PARN: variants seen among roughly 807,000 people sequenced by gnomAD.
PARN encodes the protein poly(A)-specific ribonuclease.
PARN carries 71 observed loss-of-function variants against 102.8 expected under a neutral mutation model. That is an observed-to-expected ratio of 0.69 (90% CI 0.57 to 0.84). The LOEUF (loss-of-function observed/expected upper bound fraction) is 0.84, where lower values mean the gene tolerates loss of function less well. Among genes scored for constraint, PARN ranks in the 40% least tolerant of loss-of-function variants. The pLI is 0.00. For synonymous variants in PARN, 261 were observed against 252.9 expected (o/e 1.03, Z -0.30); for missense variants, 782 against 760.9 (o/e 1.03, Z -0.33).
At chr16:14,504,903 C>G (rs945146003) in intron 21 of PARN, among the ~76,000 whole-genome samples, 6 of 152,194 alleles carry the variant, frequency 3.9e-5, no homozygotes, top group Non-Finnish European at 8.8e-5. Flanking sequence ...AGCCTGACTT[C>G]ATGGATCTTA....
At chr16:14,531,812 A>G (rs544213368) in intron 21 of PARN, among the ~76,000 whole-genome samples, 1 of 152,018 alleles carries the variant, frequency 6.6e-6, no homozygotes, top group Non-Finnish European at 1.5e-5. Flanking sequence ...CAAAAGCCCC[A>G]GACTTCTCAA....
chr16:14,571,876 A>G (rs1383628077), intron 18 of PARN, among the ~76,000 whole-genome samples: 2 of 152,230 alleles, frequency 1.3e-5, no homozygotes. Context: ...ATTCAACTGT[A>G]CTATACTACG....
At chr16:14,562,770 C>G (rs1047588317) in intron 18 of PARN, among the ~76,000 whole-genome samples, 1 of 152,102 alleles carries the variant, frequency 6.6e-6, no homozygotes, top group Non-Finnish European at 1.5e-5. Flanking sequence ...TAAAGATTAG[C>G]AAACACTTGA....
intron 21 of PARN, among the ~76,000 whole-genome samples, chr16:14,507,642 T>A (rs1002591054): frequency 1.3e-5 from 2 of 151,512 alleles, no homozygotes; most frequent in African/African-American, 4.9e-5. Flanking sequence ...TGAGCCAAGA[T>A]TGCACCACTG....
intron 22 of PARN, among the ~76,000 whole-genome samples, chr16:14,450,360 A>C (rs1378643865): frequency 6.6e-6 from 1 of 152,200 alleles, no homozygotes; most frequent in African/African-American, 2.4e-5. Flanking sequence ...GCACTGGGTA[A>C]ATCAGTAAAT....
intron 13 of PARN, among the ~76,000 whole-genome samples, chr16:14,590,658 T>C (rs946246910): frequency 1.4e-5 from 2 of 140,400 alleles, no homozygotes; most frequent in Non-Finnish European, 3.1e-5. Flanking sequence ...AAAAAAGAAA[T>C]GCAATTCCAT....
At chr16:14,447,748 T>A (rs1961264811) in intron 22 of PARN, among the ~76,000 whole-genome samples, 1 of 152,220 alleles carries the variant, frequency 6.6e-6, no homozygotes. Flanking sequence ...AGCGTCCACA[T>A]AGCCAGTGAG....
chr16:14,442,472 C>CA (rs1960985691), intron 23 of PARN, among the ~76,000 whole-genome samples: 1 of 152,158 alleles, frequency 6.6e-6, no homozygotes, highest in African/African-American at 2.4e-5. Flanking sequence ...TTATGCTGTA[C>CA]ATTCACCTCC....
rs369208675 is a variant in PARN at position 14,436,745 on chromosome 16, G to A, written c.1892C>T (p.Thr631Ile). 1.3e-6 allele frequency: 2 copies of A among 1,599,266 alleles called. No individual in the cohort carries two copies. Among genetic ancestry groups the A allele is most frequent in the Non-Finnish European group, 1.7e-6 (2 of 1,173,020 alleles). Residue 631 changes from threonine to isoleucine, a missense_variant, in exon 24 of 24, where the codon ACA becomes ATA. Transcript: ENST00000437198. ...AGSISKNSPA[T>I]LFEVPDTW ...CCATGTGTCAGGAACTTCAAAGAGTGTGGCAGGGCTGTTCTTCGAGATGCT... is the reference window on the plus strand; with the variant it reads ...CCATGTGTCAGGAACTTCAAAGAGTATGGCAGGGCTGTTCTTCGAGATGCT...
intron 18 of PARN, among the ~76,000 whole-genome samples, chr16:14,580,025 G>A (rs964850115): frequency 2.0e-5 from 3 of 151,472 alleles, no homozygotes; most frequent in Admixed American, 6.6e-5. Flanking sequence ...AATCACCTGT[G>A]GGTTCCATGG....
chr16:14,518,363 C>T (rs1359496415), intron 21 of PARN, among the ~76,000 whole-genome samples: 1 of 127,018 alleles, frequency 7.9e-6, no homozygotes, highest in Non-Finnish European at 1.7e-5. Flanking sequence ...TAATATGAAA[C>T]AATGACAGAG....
intron 10 of PARN, among the ~76,000 whole-genome samples, chr16:14,604,734 G>A (rs1367837345): frequency 6.6e-6 from 1 of 152,004 alleles, no homozygotes; most frequent in East Asian, 1.9e-4. Flanking sequence ...TCCTGCCTCA[G>A]CCTCCAGAGT....
At chr16:14,566,055 G>A (rs1489227213) in intron 18 of PARN, among the ~76,000 whole-genome samples, 1 of 152,196 alleles carries the variant, frequency 6.6e-6, no homozygotes, top group Non-Finnish European at 1.5e-5. Context: ...TGCAAGGCTG[G>A]AAATAGCTAA....
chr16:14,435,943 C>CACACACAG lies in PARN; in HGVS notation c.*773_*774insCTGTGTGT, dbSNP rs1163186399. The CACACACAG allele has an allele frequency of 1.4e-5, 2 of 141,712 alleles. No individual in the cohort carries two copies. The highest frequency in any genetic ancestry group is 2.3e-4 in the South Asian group (1 of 4,436). 8.8% of individuals were successfully genotyped at this position (141,712 alleles called of 1,614,324 possible). A position where few individuals can be genotyped will look rare whatever the true frequency, so the allele number is the denominator to read the frequency against. ...ACACACACACACACACACACACACA[C>CACACACAG]AGACACGTACGCACACACGCTGCCG... On this transcript the variant is annotated 3_prime_UTR_variant, in exon 24 of 24. Coordinates refer to ENST00000437198, the MANE Select transcript of PARN (RefSeq NM_002582.4).
intron 22 of PARN, among the ~76,000 whole-genome samples, chr16:14,448,038 G>A (rs1442798923): frequency 6.6e-6 from 1 of 152,160 alleles, no homozygotes; most frequent in African/African-American, 2.4e-5. Context: ...AGGCTGGAGT[G>A]CAGTGGAGTG....
intron 22 of PARN, among the ~76,000 whole-genome samples, chr16:14,471,929 T>C (rs754607245): frequency 6.6e-6 from 1 of 152,254 alleles, no homozygotes; most frequent in Non-Finnish European, 1.5e-5. Flanking sequence ...TAAGGCTGAT[T>C]AATATTCCAC....
chr16:14,462,132 G>T (rs1204674650), intron 22 of PARN, among the ~76,000 whole-genome samples: 1 of 152,076 alleles, frequency 6.6e-6, no homozygotes, highest in East Asian at 1.9e-4. Context: ...CATGCACAGA[G>T]AATTACTTGA....
chr16:14,442,134 GC>G (rs1261332605), intron 23 of PARN, among the ~76,000 whole-genome samples: 1 of 152,184 alleles, frequency 6.6e-6, no homozygotes, highest in African/African-American at 2.4e-5. Flanking sequence ...GGAACCTGCT[GC>G]TAGGGACCAG....
At chr16:14,520,074 C>A (rs1377025356) in intron 21 of PARN, among the ~76,000 whole-genome samples, 2 of 152,028 alleles carry the variant, frequency 1.3e-5, no homozygotes, top group African/African-American at 2.4e-5. Flanking sequence ...GCTTTAACAA[C>A]AAGCTTATAT....
Sources: gnomAD v4.1 joint callset for allele counts (sites outside exome capture counted in the v4.1 genomes callset) on GRCh38, gnomAD v4.1.1 for gene constraint, MANE v1.5 for transcripts, NCBI Gene and HGNC (gene_info 2026-07-23, HGNC 2026-07-21) for gene names.